Variants in ASXL3 observed in about 807,000 individuals in gnomAD.
ASXL3 encodes the protein ASXL transcriptional regulator 3.
ASXL3 carries 34 observed loss-of-function variants against 170.6 expected under a neutral mutation model. That is an observed-to-expected ratio of 0.20 (90% CI 0.15 to 0.27). The LOEUF is 0.27. ASXL3 is among the 10% of genes least tolerant of loss of function. ASXL3 has a pLI of 1.00. For missense variants in ASXL3, 2,592 were observed against 2,695.3 expected, an observed-to-expected ratio of 0.96 and a Z score of 0.85; for synonymous variants, 1,002 against 989.1, an observed-to-expected ratio of 1.01 and a Z score of -0.24.
At chr18:33,636,596 T>C (rs1296379047) in intron 2 of ASXL3, among the ~76,000 whole-genome samples, 1 of 152,060 alleles carries the variant, frequency 6.6e-6, no homozygotes, top group African/African-American at 2.4e-5. Flanking sequence ...GTGAACGTAG[T>C]TGGGGCTTTG....
At chr18:33,617,826 A>T (rs1311282443) in intron 2 of ASXL3, among the ~76,000 whole-genome samples, 1 of 152,184 alleles carries the variant, frequency 6.6e-6, no homozygotes, top group Non-Finnish European at 1.5e-5. Context: ...CCCAAAATGG[A>T]TGTAAAATTA....
chr18:33,672,690 C>CT (rs2066362457), intron 7 of ASXL3, among the ~76,000 whole-genome samples: 1 of 152,134 alleles, frequency 6.6e-6, no homozygotes, highest in Non-Finnish European at 1.5e-5. Context: ...TTGACGTGAA[C>CT]TTTATTACCT....
intron 4 of ASXL3, among the ~76,000 whole-genome samples, chr18:33,651,073 C>G (rs2065989770): frequency 6.6e-6 from 1 of 152,140 alleles, no homozygotes. Context: ...GATACCTTGC[C>G]TGGAACCACA....
intron 1 of ASXL3, among the ~76,000 whole-genome samples, chr18:33,603,378 C>G (rs1284449163): frequency 6.6e-6 from 1 of 152,030 alleles, no homozygotes; most frequent in Non-Finnish European, 1.5e-5. Context: ...AATCATCTCT[C>G]TTTCCTTTAA....
At chr18:33,679,203 T>C (rs746084080) in intron 7 of ASXL3, among the ~76,000 whole-genome samples, 73 of 152,174 alleles carry the variant, frequency 4.8e-4, no homozygotes, top group Non-Finnish European at 1.0e-3. Flanking sequence ...GCAAATTTTT[T>C]TCTCTCTATA....
chr18:33,643,046 A>G (rs1260190997), intron 2 of ASXL3, among the ~76,000 whole-genome samples: 1 of 151,782 alleles, frequency 6.6e-6, no homozygotes, highest in East Asian at 1.9e-4. Context: ...TGTCATTTTT[A>G]TGTATTGGAT....
chr18:33,679,211 A>G (rs35134719), intron 7 of ASXL3, among the ~76,000 whole-genome samples: 2 of 151,962 alleles, frequency 1.3e-5, no homozygotes, highest in Non-Finnish European at 2.9e-5. Context: ...TTTTCTCTCT[A>G]TATATATATT....
chr18:33,648,559 A>C (rs962560358), intron 4 of ASXL3, among the ~76,000 whole-genome samples: 2 of 152,098 alleles, frequency 1.3e-5, no homozygotes, highest in African/African-American at 4.8e-5. Context: ...TGGACATGTT[A>C]AATAACTGAT....
intron 2 of ASXL3, among the ~76,000 whole-genome samples, chr18:33,632,849 C>T (rs2065700121): frequency 6.6e-6 from 1 of 152,112 alleles, no homozygotes; most frequent in Non-Finnish European, 1.5e-5. Context: ...GAGCACCTTC[C>T]TTGTTAAAGT....
intron 1 of ASXL3, among the ~76,000 whole-genome samples, chr18:33,579,723 C>T (rs1028612287): frequency 6.6e-6 from 1 of 151,894 alleles, no homozygotes; most frequent in Non-Finnish European, 1.5e-5. Flanking sequence ...GAAGCTAAGC[C>T]TTTCAGGGTT....
At chr18:33,722,434 G>T (rs922017899) in intron 8 of ASXL3, among the ~76,000 whole-genome samples, 3 of 152,094 alleles carry the variant, frequency 2.0e-5, no homozygotes, top group African/African-American at 7.2e-5. Flanking sequence ...CTTTATTGTT[G>T]ATATGGAGGA....
chr18:33,603,472 C>G (rs1431907493), intron 1 of ASXL3, among the ~76,000 whole-genome samples: 2 of 151,778 alleles, frequency 1.3e-5, no homozygotes, highest in African/African-American at 4.8e-5. Context: ...GAGGAAATTT[C>G]TGGAATGAGA....
chr18:33,728,582 A>G (rs1187343796), intron 8 of ASXL3, among the ~76,000 whole-genome samples: 1 of 152,092 alleles, frequency 6.6e-6, no homozygotes, highest in Non-Finnish European at 1.5e-5. Context: ...AACATTTCTT[A>G]AAGACTTACA....
At chr18:33,710,626 A>G (rs567880449) in intron 8 of ASXL3, among the ~76,000 whole-genome samples, 15 of 152,308 alleles carry the variant, frequency 9.8e-5, no homozygotes, top group African/African-American at 3.4e-4. Context: ...AATAGGATCA[A>G]TTCCAACCAA....
intron 8 of ASXL3, among the ~76,000 whole-genome samples, chr18:33,717,596 A>G (rs950181185): frequency 6.6e-6 from 1 of 152,054 alleles, no homozygotes; most frequent in Non-Finnish European, 1.5e-5. Flanking sequence ...TAGTAGACCA[A>G]TTTTCTAACT....
intron 2 of ASXL3, among the ~76,000 whole-genome samples, chr18:33,625,550 T>A (rs961695826): frequency 2.0e-4 from 30 of 152,254 alleles, no homozygotes; most frequent in African/African-American, 6.7e-4. Flanking sequence ...GTGAGAGACA[T>A]GTTATTCTTT....
chr18:33,644,038 A>C (rs765330606), intron 2 of ASXL3, among the ~76,000 whole-genome samples: 53 of 151,930 alleles, frequency 3.5e-4, no homozygotes, highest in Non-Finnish European at 5.5e-4. Flanking sequence ...AAAACACAAA[A>C]TTTGTTCCAA....
intron 2 of ASXL3, among the ~76,000 whole-genome samples, chr18:33,617,171 A>G (rs1225395200): frequency 6.6e-6 from 1 of 152,140 alleles, no homozygotes; most frequent in Non-Finnish European, 1.5e-5. Context: ...TTCCTAACAT[A>G]TAAACCAATA....
At chr18:33,582,771 TA>T in intron 1 of ASXL3, among the ~76,000 whole-genome samples, 1 of 151,450 alleles carries the variant, frequency 6.6e-6, no homozygotes, top group East Asian at 1.9e-4. Flanking sequence ...GACCTTTGGG[TA>T]AAAATTTTTT....
Sources: gnomAD v4.1 joint callset for allele counts (sites outside exome capture counted in the v4.1 genomes callset) on GRCh38, gnomAD v4.1.1 for gene constraint, MANE v1.5 for transcripts, NCBI Gene and HGNC (gene_info 2026-07-23, HGNC 2026-07-21) for gene names.